SCN9A: variants seen among roughly 807,000 people sequenced by gnomAD.
SCN9A encodes sodium voltage-gated channel alpha subunit 9, also known as sodium channel protein type 9 subunit alpha.
SCN9A carries 131 observed loss-of-function variants against 187.0 expected under a neutral mutation model. The ratio of observed to expected loss-of-function variants is 0.70; its 90% CI spans 0.61 to 0.81. The LOEUF (loss-of-function observed/expected upper bound fraction) is 0.81. Among genes scored for constraint, SCN9A ranks in the 30% least tolerant of loss-of-function variants. SCN9A has a pLI of 0.00. For missense variants in SCN9A, 2,252 were observed against 2,396.6 expected (o/e 0.94, Z 1.26); for synonymous variants, 809 against 808.6 (o/e 1.00, Z -0.01).
intron 1 of SCN9A, among the ~76,000 whole-genome samples, chr2:166,339,612 A>G (rs563737735): frequency 1.3e-5 from 2 of 152,252 alleles, no homozygotes; most frequent in South Asian, 4.2e-4. Flanking sequence ...ACCCCAATAA[A>G]TGATATCAAG....
At chr2:166,258,864 T>G (rs1030377125) in intron 17 of SCN9A, among the ~76,000 whole-genome samples, 1 of 151,756 alleles carries the variant, frequency 6.6e-6, no homozygotes, top group African/African-American at 2.4e-5. Context: ...TATTTTTATG[T>G]AGATTAAATC....
intron 1 of SCN9A, among the ~76,000 whole-genome samples, chr2:166,351,396 T>G (rs1463094489): frequency 6.6e-6 from 1 of 152,194 alleles, no homozygotes. Context: ...GAAAACATGT[T>G]TCTTTTTCAA....
intron 17 of SCN9A, among the ~76,000 whole-genome samples, chr2:166,262,886 T>C (rs1340666556): frequency 6.6e-6 from 1 of 151,986 alleles, no homozygotes; most frequent in Admixed American, 6.6e-5. Context: ...TTTGATCCGC[T>C]GTTCTCAGCT....
At chr2:166,347,653 C>T (rs945088772) in intron 1 of SCN9A, among the ~76,000 whole-genome samples, 6 of 152,164 alleles carry the variant, frequency 3.9e-5, no homozygotes, top group African/African-American at 1.2e-4. Context: ...GGCATTGCTG[C>T]TACTATTCCA....
In SCN9A at chr2:166,280,353, T is replaced by A; in HGVS notation, c.2343+4A>T. 1 of 1,498,350 alleles carries A rather than the reference T, an allele frequency of 6.7e-7. No individual in the cohort carries two copies. The highest frequency in any genetic ancestry group is 9.1e-7 in the Non-Finnish European group (1 of 1,093,338). 92.8% of individuals were successfully genotyped at this position (1,498,350 alleles called of 1,614,324 possible). ...GAGTACATAACACACAATAAGAGAC[T>A]TACCAAATTTCCTATAGCAAGTACA... On this transcript the variant is annotated splice_donor_region_variant and intron_variant, in intron 14 of 26. Transcript: ENST00000642356.
At chr2:166,337,941 G>T (rs1699669620) in intron 1 of SCN9A, among the ~76,000 whole-genome samples, 1 of 152,008 alleles carries the variant, frequency 6.6e-6, no homozygotes, top group Non-Finnish European at 1.5e-5. Context: ...GGCAGGGGGA[G>T]TTAAATAAAC....
In SCN9A at chr2:166,272,715, T is replaced by G; in HGVS notation, c.3035A>C (p.Lys1012Thr). Residue 1012 changes from lysine to threonine, a missense_variant, in exon 17 of 27, where the codon AAA becomes ACA. Coordinates refer to ENST00000642356, the MANE Select transcript of SCN9A (RefSeq NM_001365536.1). ...VKQTLREFIL[K>T]AFSKKPKISR... ...AATCTTTGGCTTTTTGGAAAATGCT[T>G]TTAGAATAAATTCACGTAAGGTTTG... is the stretch of plus-strand genomic sequence containing the variant. 1 of 1,595,562 alleles carries G rather than the reference T, an allele frequency of 6.3e-7. No homozygotes were observed. The highest frequency in any genetic ancestry group is 8.5e-7 in the Non-Finnish European group (1 of 1,171,518).
At chr2:166,318,634 T>A (rs986672882) in intron 1 of SCN9A, among the ~76,000 whole-genome samples, 1 of 152,026 alleles carries the variant, frequency 6.6e-6, no homozygotes, top group African/African-American at 2.4e-5. Context: ...GGTCATGCTT[T>A]GTGAAACAAA....
At chr2:166,288,785 G>A (rs1697905729) in intron 9 of SCN9A, 142 bp from the exon 10 acceptor site, 1 of 578,814 alleles carries the variant, frequency 1.7e-6, no homozygotes, top group Non-Finnish European at 2.9e-6. Context: ...ATATCTTCAT[G>A]GAAAACAAAT....
rs1422307721 is a variant in SCN9A, at chr2:166,198,796, G to GCAT, written c.5840_5842dup (p.Asp1947dup). ...AGGTGGAGAGGTGGTGGATGAAGTG[G>GCAT]CATCTGTTTTTTCTGGACTTGAGTT... is the stretch of plus-strand genomic sequence containing the variant. On this transcript the variant is annotated inframe_insertion, in exon 27 of 27. Transcript: ENST00000642356. 2 of 1,612,978 alleles carry GCAT rather than the reference G, an allele frequency of 1.2e-6. No homozygotes were observed. Among genetic ancestry groups the GCAT allele is most frequent in the African/African-American group, 2.7e-5 (2 of 74,878 alleles).
intron 20 of SCN9A, 130 bp downstream of exon 20, chr2:166,237,963 TA>T (rs377696394): frequency 2.6e-5 from 16 of 606,618 alleles, no homozygotes; most frequent in African/African-American, 2.3e-4. Flanking sequence ...TCTAAAAGAA[TA>T]AACCTATAGC....
chr2:166,256,702 C>G (rs1272648202), intron 17 of SCN9A, among the ~76,000 whole-genome samples: 1 of 149,892 alleles, frequency 6.7e-6, no homozygotes, highest in Non-Finnish European at 1.5e-5. Context: ...TGTGTAGGCT[C>G]TGGGAGGAAT....
chr2:166,330,908 A>T lies in SCN9A; in HGVS notation c.-50-19102T>A, dbSNP rs79446427. On this transcript the variant is annotated intron_variant, in intron 1 of 26. Coordinates refer to ENST00000642356, the MANE Select transcript of SCN9A (RefSeq NM_001365536.1). ...CCAGTATCTGTCACTGGCCCAGGGGATGGAAACCCCTGATCTAACCCACTG... is the reference window on the plus strand; with the variant it reads ...CCAGTATCTGTCACTGGCCCAGGGGTTGGAAACCCCTGATCTAACCCACTG... Among the ~76,000 whole-genome samples the T allele has an allele frequency of 9.2e-3, 1,394 of 152,162 alleles. 31 individuals carry two copies. Among genetic ancestry groups the T allele is most frequent in the African/African-American group, 0.031 (1,266 of 41,504 alleles).
intron 18 of SCN9A, among the ~76,000 whole-genome samples, chr2:166,247,047 A>T (rs1470657990): frequency 6.7e-6 from 1 of 150,186 alleles, no homozygotes; most frequent in Non-Finnish European, 1.5e-5. Context: ...AAACATTTTA[A>T]TGGGTCCCAG....
intron 24 of SCN9A, among the ~76,000 whole-genome samples, chr2:166,210,519 C>A (rs1471638004): frequency 1.4e-3 from 132 of 96,224 alleles, no homozygotes; most frequent in East Asian, 2.6e-3. Context: ...AGATGGACAC[C>A]AAAAAAAAAA....
chr2:166,214,842 G>A (rs939294754), intron 24 of SCN9A, among the ~76,000 whole-genome samples: 10 of 151,440 alleles, frequency 6.6e-5, no homozygotes, highest in Non-Finnish European at 1.5e-4. Context: ...GATGTGGAAG[G>A]TCTCTACCAC....
chr2:166,246,297 C>T (rs1287087172), intron 18 of SCN9A, among the ~76,000 whole-genome samples: 1 of 151,660 alleles, frequency 6.6e-6, no homozygotes, highest in African/African-American at 2.4e-5. Flanking sequence ...GAATTCTATA[C>T]TTTACATAAA....
intron 15 of SCN9A, 61 bp downstream of exon 15, chr2:166,278,079 G>T (rs1287932045): frequency 7.3e-7 from 1 of 1,371,830 alleles, no homozygotes; most frequent in African/African-American, 1.5e-5. Context: ...TAAAAATAAT[G>T]CAAAACCAAA....
intron 1 of SCN9A, among the ~76,000 whole-genome samples, chr2:166,335,903 A>T (rs1295856929): frequency 2.0e-5 from 3 of 152,068 alleles, no homozygotes; most frequent in African/African-American, 7.2e-5. Flanking sequence ...GCATGTACAG[A>T]GTTTTTTTTC....
Sources: allele counts gnomAD v4.1 joint callset (sites outside exome capture counted in the v4.1 genomes callset), GRCh38; gene constraint gnomAD v4.1.1; transcripts MANE v1.5; gene names NCBI Gene and HGNC (gene_info 2026-07-23, HGNC 2026-07-21).